Variants in DYM observed in about 807,000 individuals in gnomAD.
DYM encodes dyggve-Melchior-Clausen syndrome protein.
Under a neutral mutation model 93.1 loss-of-function variants are expected in DYM, and 78 were observed. The observed-to-expected ratio is 0.84, with a 90% CI of 0.70 to 1.01. The LOEUF (loss-of-function observed/expected upper bound fraction) is 1.01, where lower values mean the gene tolerates loss of function less well. DYM is among the 50% of genes least tolerant of loss of function. The pLI, the probability that DYM is intolerant of heterozygous loss-of-function variation, is 0.00. For missense variants in DYM, 789 were observed against 845.0 expected (o/e 0.93, Z 0.82); for synonymous variants, 321 against 319.7 (o/e 1.00, Z -0.04).
At chr18:49,080,728 G>C (rs2077883345) in intron 17 of DYM, among the ~76,000 whole-genome samples, 1 of 142,604 alleles carries the variant, frequency 7.0e-6, no homozygotes, top group Admixed American at 6.9e-5. Flanking sequence ...GGGCAGAGGG[G>C]CTCCTCACTT....
intron 13 of DYM, among the ~76,000 whole-genome samples, chr18:49,218,621 A>G (rs1269908719): frequency 6.6e-6 from 1 of 152,142 alleles, no homozygotes; most frequent in African/African-American, 2.4e-5. Flanking sequence ...CCACTCAACT[A>G]CATGGAAACT....
At chr18:49,194,743 C>T (rs949201485) in intron 14 of DYM, among the ~76,000 whole-genome samples, 1 of 151,134 alleles carries the variant, frequency 6.6e-6, no homozygotes, top group Admixed American at 6.6e-5. Flanking sequence ...ATAAGTAACA[C>T]AAAAAAATAT....
intron 11 of DYM, among the ~76,000 whole-genome samples, chr18:49,262,141 T>TA (rs2094499648): frequency 6.6e-6 from 1 of 152,120 alleles, no homozygotes; most frequent in South Asian, 2.1e-4. Flanking sequence ...CTGGTGACTG[T>TA]AAGATGAGGA....
intron 11 of DYM, among the ~76,000 whole-genome samples, chr18:49,259,364 C>T (rs1416909055): frequency 6.6e-6 from 1 of 152,186 alleles, no homozygotes; most frequent in Non-Finnish European, 1.5e-5. Flanking sequence ...TACCAGTGCA[C>T]ATGAAATACA....
intron 15 of DYM, among the ~76,000 whole-genome samples, chr18:49,119,384 A>G (rs2082181617): frequency 1.3e-5 from 2 of 152,240 alleles, no homozygotes; most frequent in African/African-American, 4.8e-5. Flanking sequence ...TCAGATAAAC[A>G]GACTATGATT....
At chr18:49,090,416 AAAAGTCT>A (rs2078938094) in intron 17 of DYM, among the ~76,000 whole-genome samples, 1 of 151,996 alleles carries the variant, frequency 6.6e-6, no homozygotes, top group African/African-American at 2.4e-5. Context: ...ACAATTTTTT[AAAAGTCT>A]AAAGTGATAA....
intron 17 of DYM, chr18:49,048,451 T>TA (rs1015712474): frequency 6.6e-6 from 1 of 152,142 alleles, no homozygotes; most frequent in African/African-American, 2.4e-5. Context: ...TTGTTAGAAA[T>TA]AAAAATGACT....
chr18:49,216,902 G>A (rs1184438925), intron 13 of DYM, among the ~76,000 whole-genome samples: 1 of 152,244 alleles, frequency 6.6e-6, no homozygotes, highest in African/African-American at 2.4e-5. Context: ...AAGCTGGACG[G>A]AGAATGACTT....
At chr18:49,118,343 T>C (rs1224229185) in intron 16 of DYM, among the ~76,000 whole-genome samples, 1 of 152,170 alleles carries the variant, frequency 6.6e-6, no homozygotes, top group African/African-American at 2.4e-5. Context: ...AAACTTTTCA[T>C]TCATTATGAA....
At chr18:49,076,122 T>C (rs1050193738) in intron 17 of DYM, among the ~76,000 whole-genome samples, 2 of 99,018 alleles carry the variant, frequency 2.0e-5, no homozygotes, top group Admixed American at 1.2e-4. Flanking sequence ...CTTAATTTTA[T>C]TGCTCAAAGT....
At chr18:49,198,245 G>C (rs2091662187) in intron 14 of DYM, among the ~76,000 whole-genome samples, 1 of 152,176 alleles carries the variant, frequency 6.6e-6, no homozygotes, top group African/African-American at 2.4e-5. Context: ...ATGGATTAAA[G>C]ACTTAGATGT....
intron 8 of DYM, among the ~76,000 whole-genome samples, chr18:49,299,951 G>A (rs983401804): frequency 6.0e-5 from 9 of 150,550 alleles, no homozygotes; most frequent in African/African-American, 1.5e-4. Context: ...GCTGAAGCAG[G>A]AGAATGGCAT....
intron 10 of DYM, among the ~76,000 whole-genome samples, chr18:49,281,288 A>G (rs1483009286): frequency 1.3e-5 from 2 of 152,244 alleles, no homozygotes; most frequent in African/African-American, 2.4e-5. Flanking sequence ...GTGATCATTA[A>G]ACAGTCAGGA....
At chr18:49,099,387 G>T (rs1289021936) in intron 16 of DYM, among the ~76,000 whole-genome samples, 1 of 152,072 alleles carries the variant, frequency 6.6e-6, no homozygotes, top group Admixed American at 6.6e-5. Context: ...TTATACATCA[G>T]GCTCTCCAGG....
At chr18:49,119,368 T>C (rs993924616) in intron 15 of DYM, among the ~76,000 whole-genome samples, 1 of 152,236 alleles carries the variant, frequency 6.6e-6, no homozygotes, top group African/African-American at 2.4e-5. Context: ...TTTCAGTCTT[T>C]ATATTTCAGA....
chr18:49,440,564 T>C (rs1337352904), intron 1 of DYM, among the ~76,000 whole-genome samples: 26 of 52 alleles, frequency 0.5, 1 homozygote, highest in Non-Finnish European at 0.53. Context: ...AATATATGAC[T>C]ATATATTATA....
At chr18:49,228,665 G>T (rs113486140) in intron 13 of DYM, among the ~76,000 whole-genome samples, 126 of 152,114 alleles carry the variant, frequency 8.3e-4, no homozygotes, top group East Asian at 2.7e-3. Context: ...ATCAAAATCC[G>T]CAATACTTCT....
intron 1 of DYM, among the ~76,000 whole-genome samples, chr18:49,438,017 T>A (rs1317880230): frequency 1.3e-5 from 2 of 151,876 alleles, no homozygotes; most frequent in Non-Finnish European, 2.9e-5. Context: ...CAAGACCCCA[T>A]CTATACAAAA....
chr18:49,324,811 T>A (rs922868418), intron 8 of DYM, among the ~76,000 whole-genome samples: 4 of 152,238 alleles, frequency 2.6e-5, no homozygotes, highest in Non-Finnish European at 5.9e-5. Context: ...GTTATTTACA[T>A]GGGAATAGAT....
Sources: allele counts gnomAD v4.1 joint callset (sites outside exome capture counted in the v4.1 genomes callset), GRCh38; gene constraint gnomAD v4.1.1; transcripts MANE v1.5; gene names NCBI Gene and HGNC (gene_info 2026-07-23, HGNC 2026-07-21).